The following RPS6KC1 variants were observed in gnomAD, a reference collection of about 807,000 sequenced individuals.
RPS6KC1 encodes the protein ribosomal protein S6 kinase C1.
Under a neutral mutation model 103.8 loss-of-function variants are expected in RPS6KC1, and 54 were observed. That is an observed-to-expected ratio of 0.52 (90% CI 0.42 to 0.65). The LOEUF is 0.65. Ranked by LOEUF, RPS6KC1 falls within the 30% of genes least tolerant of loss-of-function variation. The pLI, the probability that RPS6KC1 is intolerant of heterozygous loss-of-function variation, is 0.00. For missense variants in RPS6KC1, 1,151 were observed against 1,253.8 expected (o/e 0.92, Z 1.24); for synonymous variants, 439 against 438.7 (o/e 1.00, Z -0.01).
chr1:213,487,960 T>A, the RPS6KC1 span, among the ~76,000 whole-genome samples: 1 of 152,204 alleles, frequency 6.6e-6, no homozygotes, highest in African/African-American at 2.4e-5. Context: ...TAATACTGTC[T>A]CCCTCCCCAT....
chr1:213,503,110 C>A, the RPS6KC1 span, among the ~76,000 whole-genome samples: 1 of 150,996 alleles, frequency 6.6e-6, no homozygotes, highest in East Asian at 1.9e-4. Context: ...ACTTCACAAC[C>A]TTTTTTTTTC....
chr1:213,721,721 C>T, the RPS6KC1 span, among the ~76,000 whole-genome samples: 1 of 152,324 alleles, frequency 6.6e-6, no homozygotes, highest in Admixed American at 6.5e-5. Flanking sequence ...TTCTATCCTA[C>T]CACTGCACAC....
the RPS6KC1 span, among the ~76,000 whole-genome samples, chr1:213,627,455 C>T: frequency 6.6e-6 from 1 of 152,000 alleles, no homozygotes; most frequent in South Asian, 2.1e-4. Flanking sequence ...ACTTCCAACA[C>T]TATGTTGAAT....
chr1:213,691,106 G>C, the RPS6KC1 span, among the ~76,000 whole-genome samples: 1 of 152,092 alleles, frequency 6.6e-6, no homozygotes, highest in African/African-American at 2.4e-5. Context: ...CAGGAAACAG[G>C]CCATCTTCCC....
At chr1:213,212,836 T>C (rs1051202933) in intron 8 of RPS6KC1, among the ~76,000 whole-genome samples, 1 of 152,254 alleles carries the variant, frequency 6.6e-6, no homozygotes, top group African/African-American at 2.4e-5. Context: ...CATGCAATGT[T>C]GAGTATCTTT....
At chr1:213,380,837 C>T in the RPS6KC1 span, among the ~76,000 whole-genome samples, 9 of 152,118 alleles carry the variant, frequency 5.9e-5, no homozygotes, top group Non-Finnish European at 1.0e-4. Context: ...AGCGTCTGTC[C>T]ACCTCTCTCC....
the RPS6KC1 span, among the ~76,000 whole-genome samples, chr1:213,525,591 C>A: frequency 2.0e-5 from 3 of 152,094 alleles, no homozygotes; most frequent in South Asian, 6.2e-4. Context: ...AGCCTTCAGA[C>A]TCTGCCATAC....
chr1:213,852,254 T>A, the RPS6KC1 span, among the ~76,000 whole-genome samples: 2 of 152,218 alleles, frequency 1.3e-5, no homozygotes, highest in Admixed American at 6.5e-5. Context: ...GCATACAGAT[T>A]CTCTGCTCTA....
At chr1:213,795,379 T>C in the RPS6KC1 span, among the ~76,000 whole-genome samples, 7 of 152,356 alleles carry the variant, frequency 4.6e-5, no homozygotes, top group South Asian at 1.4e-3. Flanking sequence ...TTTGTATATT[T>C]ATGTTCCTTT....
chr1:213,431,085 G>A, the RPS6KC1 span, among the ~76,000 whole-genome samples: 16 of 152,186 alleles, frequency 1.1e-4, no homozygotes, highest in East Asian at 1.9e-4. Flanking sequence ...AAAATCTCAA[G>A]TCAAAAACTG....
At chr1:213,341,016 C>T in the RPS6KC1 span, among the ~76,000 whole-genome samples, 1 of 152,252 alleles carries the variant, frequency 6.6e-6, no homozygotes, top group Non-Finnish European at 1.5e-5. Flanking sequence ...TGCTGAGCCT[C>T]AGTTTCCTCA....
chr1:213,546,316 C>T, the RPS6KC1 span: 4 of 152,180 alleles, frequency 2.6e-5, no homozygotes, highest in Admixed American at 6.5e-5. Context: ...AGTCCATTCT[C>T]ACCATGAGAA....
chr1:213,857,899 T>A, the RPS6KC1 span, among the ~76,000 whole-genome samples: 4 of 152,208 alleles, frequency 2.6e-5, no homozygotes, highest in East Asian at 7.7e-4. Context: ...CTCCCAAGGG[T>A]TTAACAAAGT....
At chr1:213,637,807 T>G in the RPS6KC1 span, among the ~76,000 whole-genome samples, 1 of 151,760 alleles carries the variant, frequency 6.6e-6, no homozygotes, top group Admixed American at 6.6e-5. Context: ...CATTATGGCT[T>G]TTTGTTTTGT....
the RPS6KC1 span, among the ~76,000 whole-genome samples, chr1:213,593,437 G>A: frequency 2.0e-5 from 3 of 152,168 alleles, no homozygotes; most frequent in Non-Finnish European, 1.5e-5. Flanking sequence ...TAAAGTCAAG[G>A]ATATTCCCCT....
chr1:213,616,630 G>A, the RPS6KC1 span, among the ~76,000 whole-genome samples: 1 of 152,202 alleles, frequency 6.6e-6, no homozygotes, highest in Non-Finnish European at 1.5e-5. Context: ...TGGCAACATA[G>A]TGAGACCCTG....
At chr1:213,629,462 TG>T in the RPS6KC1 span, among the ~76,000 whole-genome samples, 4 of 152,230 alleles carry the variant, frequency 2.6e-5, no homozygotes, top group African/African-American at 9.6e-5. Context: ...CCCTTTATTT[TG>T]AGCCTATGTG....
At chr1:213,155,566 C>T (rs1015533783) in intron 6 of RPS6KC1, among the ~76,000 whole-genome samples, 1 of 152,146 alleles carries the variant, frequency 6.6e-6, no homozygotes, top group Non-Finnish European at 1.5e-5. Context: ...CTCACAGTTG[C>T]TGTGTTCTCC....
the RPS6KC1 span, among the ~76,000 whole-genome samples, chr1:213,332,746 C>T: frequency 6.6e-6 from 1 of 152,128 alleles, no homozygotes; most frequent in African/African-American, 2.4e-5. Context: ...CCCAGAAGGC[C>T]GACCTCAGAT....
Sources: allele counts gnomAD v4.1 joint callset (sites outside exome capture counted in the v4.1 genomes callset), GRCh38; gene constraint gnomAD v4.1.1; transcripts MANE v1.5; gene names NCBI Gene and HGNC (gene_info 2026-07-23, HGNC 2026-07-21).